Variants in GRIN3A observed in about 807,000 individuals in gnomAD.
The protein encoded by GRIN3A is glutamate receptor ionotropic, NMDA 3A.
GRIN3A carries 47 observed loss-of-function variants against 92.4 expected under a neutral mutation model. That is an observed-to-expected ratio of 0.51 (90% CI 0.40 to 0.65). The LOEUF (loss-of-function observed/expected upper bound fraction) is 0.65. Among genes scored for constraint, GRIN3A ranks in the 30% least tolerant of loss-of-function variants. The pLI, the probability that GRIN3A is intolerant of heterozygous loss-of-function variation, is 0.00. For synonymous variants in GRIN3A, 527 were observed against 540.6 expected, an observed-to-expected ratio of 0.97 and a Z score of 0.35; for missense variants, 1,324 against 1,393.1, an observed-to-expected ratio of 0.95 and a Z score of 0.79.
Position 101,737,920 on chromosome 9 carries a change from G to A in GRIN3A, c.60C>T (p.Pro20=), listed in dbSNP as rs751161440. 5 of 1,536,808 alleles carry A rather than the reference G, an allele frequency of 3.3e-6. No individual in the cohort carries two copies. The South Asian group carries it at 5.9e-5, about 18-fold the overall frequency. ...LSRVCLLLPP[P]CALVLAGVPS... Reference sequence around the variant, plus strand: ...GCACCCCGGCCAGCACCAGTGCGCAGGGCGGCGGCAACAGCAGACAGACCC... The same window carrying A: ...GCACCCCGGCCAGCACCAGTGCGCAAGGCGGCGGCAACAGCAGACAGACCC... Residue 20 remains proline, a synonymous_variant, in exon 1 of 9, where the codon CCC becomes CCT. Transcript: ENST00000361820.
At chr9:101,615,588 C>G (rs1003662319) in intron 5 of GRIN3A, among the ~76,000 whole-genome samples, 1 of 152,008 alleles carries the variant, frequency 6.6e-6, no homozygotes, top group Admixed American at 6.6e-5. Context: ...ATTTCCTGAC[C>G]TCGTGATCCA....
chr9:101,661,785 A>G (rs1829175277), intron 3 of GRIN3A, among the ~76,000 whole-genome samples: 3 of 151,828 alleles, frequency 2.0e-5, no homozygotes. Context: ...CAAATGGCCA[A>G]AATGATTTAT....
At chr9:101,679,041 T>G (rs1053992185) in intron 2 of GRIN3A, among the ~76,000 whole-genome samples, 1 of 152,216 alleles carries the variant, frequency 6.6e-6, no homozygotes, top group Non-Finnish European at 1.5e-5. Context: ...GCTCTTTGGA[T>G]CTGGCCCCAG....
chr9:101,688,516 G>A (rs1029835341), intron 1 of GRIN3A, among the ~76,000 whole-genome samples: 10 of 152,188 alleles, frequency 6.6e-5, no homozygotes, highest in African/African-American at 2.2e-4. Context: ...TCATCACTGG[G>A]AAGCATTCAA....
intron 6 of GRIN3A, among the ~76,000 whole-genome samples, chr9:101,583,776 T>C (rs80324907): frequency 2.5e-3 from 374 of 152,288 alleles, no homozygotes; most frequent in African/African-American, 8.7e-3. Flanking sequence ...TTGCTTCAGC[T>C]GCAGCTTCAT....
intron 3 of GRIN3A, among the ~76,000 whole-genome samples, chr9:101,642,821 CTTATGAGAATCTAATGATTCTG>C (rs1355678564): frequency 2.0e-5 from 3 of 152,058 alleles, no homozygotes; most frequent in African/African-American, 7.2e-5. Flanking sequence ...GCATTAGATT[CTTATGAGAATCTAATGATTCTG>C]TTATGAGAAT....
chr9:101,663,063 A>G (rs1464625373), intron 3 of GRIN3A, among the ~76,000 whole-genome samples: 2 of 151,656 alleles, frequency 1.3e-5, no homozygotes, highest in African/African-American at 2.4e-5. Context: ...CTGGCTTTCC[A>G]ATGTCATAGT....
At chr9:101,715,802 A>G (rs905847600) in intron 1 of GRIN3A, among the ~76,000 whole-genome samples, 2 of 152,202 alleles carry the variant, frequency 1.3e-5, no homozygotes, top group African/African-American at 4.8e-5. Context: ...TTGAATTACA[A>G]TGGCAAATAA....
intron 1 of GRIN3A, among the ~76,000 whole-genome samples, chr9:101,705,832 T>C (rs543778432): frequency 6.6e-5 from 10 of 152,352 alleles, no homozygotes; most frequent in African/African-American, 2.4e-4. Context: ...TATTTATTCA[T>C]TTAATCCTCA....
At chr9:101,634,105 G>T (rs896757507) in intron 3 of GRIN3A, among the ~76,000 whole-genome samples, 1 of 151,972 alleles carries the variant, frequency 6.6e-6, no homozygotes, top group Non-Finnish European at 1.5e-5. Flanking sequence ...AGGCCGAGGC[G>T]GGTGGATCAC....
At chr9:101,714,649 A>G (rs1829921617) in intron 1 of GRIN3A, among the ~76,000 whole-genome samples, 1 of 152,176 alleles carries the variant, frequency 6.6e-6, no homozygotes, top group South Asian at 2.1e-4. Flanking sequence ...CCCCAACCTA[A>G]GAATTATGCC....
At chr9:101,642,234 G>C (rs1828876448) in intron 3 of GRIN3A, among the ~76,000 whole-genome samples, 2 of 152,148 alleles carry the variant, frequency 1.3e-5, no homozygotes, top group Non-Finnish European at 2.9e-5. Context: ...TGAAAGGATA[G>C]TCTCTTCAAT....
intron 1 of GRIN3A, among the ~76,000 whole-genome samples, chr9:101,699,476 A>G (rs2118997934): frequency 6.6e-6 from 1 of 152,358 alleles, no homozygotes; most frequent in Non-Finnish European, 1.5e-5. Context: ...AATTTATAGA[A>G]TCACTGTTGT....
intron 1 of GRIN3A, among the ~76,000 whole-genome samples, chr9:101,694,494 C>T (rs2118990400): frequency 6.6e-6 from 1 of 152,168 alleles, no homozygotes; most frequent in East Asian, 1.9e-4. Context: ...ATGATAATTC[C>T]ACCTAATTAT....
In GRIN3A at chr9:101,737,688, A is replaced by G; in HGVS notation, c.292T>C (p.Leu98=). ...SPAPSPGARW[L]GSTLHGRGPP... ...CCCCGGCCATGCAGGGTGCTCCCCA[A>G]CCAGCGTGCGCCCGGCGAGGGCGCC... Residue 98 remains leucine, a synonymous_variant, in exon 1 of 9, where the codon TTG becomes CTG. Transcript: ENST00000361820. The G allele has an allele frequency of 6.4e-7, 1 of 1,565,190 alleles. No homozygotes were observed. The highest frequency in any genetic ancestry group is 8.6e-7 in the Non-Finnish European group (1 of 1,159,606).
At chr9:101,617,631 TTGTG>T (rs547650315) in intron 5 of GRIN3A, among the ~76,000 whole-genome samples, 7 of 151,522 alleles carry the variant, frequency 4.6e-5, no homozygotes, top group South Asian at 2.1e-4. Flanking sequence ...TTTATTTATT[TTGTG>T]TGTGTGTGTG....
intron 4 of GRIN3A, among the ~76,000 whole-genome samples, chr9:101,623,964 G>A (rs534363525): frequency 3.3e-4 from 51 of 152,286 alleles, no homozygotes; most frequent in African/African-American, 1.1e-3. Context: ...CCTACAAAGA[G>A]GGCAAGGAAG....
At chr9:101,607,084 G>T (rs1280421919) in intron 6 of GRIN3A, among the ~76,000 whole-genome samples, 1 of 151,638 alleles carries the variant, frequency 6.6e-6, no homozygotes, top group Non-Finnish European at 1.5e-5. Context: ...AAAATTGCCA[G>T]AGTCTGGTCG....
At chr9:101,634,291 C>T (rs1828752539) in intron 3 of GRIN3A, among the ~76,000 whole-genome samples, 1 of 144,312 alleles carries the variant, frequency 6.9e-6, no homozygotes, top group Non-Finnish European at 1.5e-5. Flanking sequence ...CGAGATCGCG[C>T]CACTGCACTC....
Sources: allele counts gnomAD v4.1 joint callset (sites outside exome capture counted in the v4.1 genomes callset), GRCh38; gene constraint gnomAD v4.1.1; transcripts MANE v1.5; gene names NCBI Gene and HGNC (gene_info 2026-07-23, HGNC 2026-07-21).